Variants in VPS13D observed in about 807,000 individuals in gnomAD.
The protein encoded by VPS13D is intermembrane lipid transfer protein VPS13D.
In VPS13D, 187 loss-of-function variants were observed where a neutral mutation model predicts 461.9. The ratio of observed to expected loss-of-function variants is 0.40; its 90% CI spans 0.36 to 0.46. The LOEUF (loss-of-function observed/expected upper bound fraction) is 0.46, where lower values mean the gene tolerates loss of function less well. Ranked by LOEUF, VPS13D falls within the 20% of genes least tolerant of loss-of-function variation. The pLI, the probability that VPS13D is intolerant of heterozygous loss-of-function variation, is 0.60. For synonymous variants in VPS13D, 1,951 were observed against 1,986.3 expected (o/e 0.98, Z 0.47); for missense variants, 4,711 against 5,364.9 (o/e 0.88, Z 3.81).
In VPS13D at chr1:12,345,520, TTCAGGAAGTCAGATGGTTAAGCGACTG is replaced by T. The variant is rs773019797; in HGVS notation, c.9021+34_9021+60del. The T allele has an allele frequency of 1.2e-5, 20 of 1,603,156 alleles. No individual in the cohort carries two copies. Among genetic ancestry groups the T allele is most frequent in the Non-Finnish European group, 1.5e-5 (18 of 1,170,982 alleles). ...TCATCTTCCTCTACGGTGTGTGACA[TTCAGGAAGTCAGATGGTTAAGCGACTG>T]TCAGGAAGTCAGATGGTTAAGCCTG... On this transcript the variant is annotated intron_variant, in intron 43 of 69. Transcript: ENST00000620676.
At chr1:12,401,968 G>GTAT (rs879659066) in intron 62 of VPS13D, among the ~76,000 whole-genome samples, 2 of 152,218 alleles carry the variant, frequency 1.3e-5, no homozygotes, top group Non-Finnish European at 2.9e-5. Context: ...TTGGGAAGCA[G>GTAT]TATACTATTC....
intron 67 of VPS13D, among the ~76,000 whole-genome samples, chr1:12,480,985 T>C (rs1010160330): frequency 2.0e-5 from 3 of 152,314 alleles, no homozygotes; most frequent in East Asian, 3.9e-4. Context: ...CTTGCTTCTC[T>C]CCACCCCAAG....
chr1:12,242,876 T>C (rs1640423686), intron 3 of VPS13D, among the ~76,000 whole-genome samples: 1 of 152,196 alleles, frequency 6.6e-6, no homozygotes. Flanking sequence ...GATTCTTATG[T>C]TTACTCAAGT....
intron 66 of VPS13D, among the ~76,000 whole-genome samples, chr1:12,458,158 C>G (rs1557451210): frequency 6.6e-6 from 1 of 152,178 alleles, no homozygotes; most frequent in Non-Finnish European, 1.5e-5. Context: ...ATGGCTTCAT[C>G]CAAAGAGGAT....
At chr1:12,232,131 A>G (rs138797398) in intron 1 of VPS13D, among the ~76,000 whole-genome samples, 1 of 151,944 alleles carries the variant, frequency 6.6e-6, no homozygotes, top group African/African-American at 2.4e-5. Context: ...ACCCTTAAAA[A>G]ATATCTTTAT....
chr1:12,277,990 G>A lies in VPS13D; in HGVS notation c.4402G>A (p.Ala1468Thr). ...TGGCAGTGCCAACAGTCAGGAGGAA[G>A]CTCATTTCACACGACATGATTTCTT... Reference protein sequence around the residue: ...GSGSANSQEEAHFTRHDFFES... With the variant: ...GSGSANSQEETHFTRHDFFES... The change falls in exon 19 of 70, where the codon GCT (alanine) becomes ACT (threonine). Residue 1468 changes from alanine (A) to threonine (T), a missense_variant. Ala to Thr is a moderately conservative substitution (Grantham distance 58, BLOSUM62 0). Around this residue, in one of 3 missense-constraint regions of VPS13D, gnomAD observed 4,411 missense variants for 4,937.8 expected, o/e 0.89. Coordinates refer to ENST00000620676, the MANE Select transcript of VPS13D (RefSeq NM_015378.4). 1.2e-6 allele frequency: 2 copies of A among 1,614,176 alleles called. No homozygotes were observed. The highest frequency in any genetic ancestry group is 1.7e-6 in the Non-Finnish European group (2 of 1,180,028).
chr1:12,298,736 CATT>C (rs926269014), intron 24 of VPS13D, among the ~76,000 whole-genome samples: 3 of 151,292 alleles, frequency 2.0e-5, no homozygotes, highest in Admixed American at 2.0e-4. Context: ...TTTCCTATAT[CATT>C]GACTTATGCT....
chr1:12,333,364 T>C lies in VPS13D; in HGVS notation c.8426T>C (p.Ile2809Thr), dbSNP rs1184543552. ...RLDINITSVL[I>T]DQYVSTKESW... is the part of the protein sequence containing the mutation. ...GATATCAATATCACTTCTGTGCTAA[T>C]TGGTGAGTAGAAAGTTGTCTTTCAT... The change falls in exon 38 of 70, where the codon ATT becomes ACT. Residue 2809 changes from isoleucine to threonine, a missense_variant and splice_region_variant. Physicochemically the swap from Ile to Thr is moderately conservative, Grantham distance 89. This residue lies in a region of VPS13D where 4,411 missense variants were observed against 4,937.8 expected (regional missense o/e 0.89). Coordinates refer to ENST00000620676, the MANE Select transcript of VPS13D (RefSeq NM_015378.4). 1.9e-6 allele frequency: 3 copies of C among 1,614,006 alleles called. No homozygotes were observed. The highest frequency in any genetic ancestry group is 4.5e-5 in the East Asian group (2 of 44,880).
chr1:12,400,163 A>G lies in VPS13D; in HGVS notation c.11635-18A>G. ...GGTCTGTTTTTGTTTTTGCTTTGCTACCTTTCCATGGCCGTAGGTGGACAA... is the reference window on the plus strand; with the variant it reads ...GGTCTGTTTTTGTTTTTGCTTTGCTGCCTTTCCATGGCCGTAGGTGGACAA... On this transcript the variant is annotated intron_variant, in intron 60 of 69. Transcript: ENST00000620676. The G allele has an allele frequency of 1.2e-6, 2 of 1,609,100 alleles. No homozygotes were observed. Among genetic ancestry groups the G allele is most frequent in the Non-Finnish European group, 1.7e-6 (2 of 1,177,206 alleles).
rs756615407 is a variant in VPS13D, at chr1:12,356,454, G to C, written c.9928G>C (p.Glu3310Gln). Residue 3310 changes from glutamate to glutamine, a missense_variant, in exon 49 of 70, where the codon GAG (glutamate) becomes CAG (glutamine). Physicochemically the swap from Glu to Gln is conservative, Grantham distance 29 (BLOSUM62 2). This residue lies in a region of VPS13D where 4,411 missense variants were observed against 4,937.8 expected (regional missense o/e 0.89). Transcript: ENST00000620676. ...NAKTDAAGQF[E>Q]EHELARSLSP... is the part of the protein sequence containing the mutation. ...CAAGACAGATGCTGCAGGCCAGTTT[G>C]AGGAGCATGAGCTGGCCCGTAGCCT... 1.6e-5 allele frequency: 26 copies of C among 1,613,998 alleles called. No homozygotes were observed. The South Asian group carries it at 2.7e-4, about 17-fold the overall frequency.
chr1:12,502,752 C>T lies in VPS13D; in HGVS notation c.12795-4101C>T, dbSNP rs557175083. 4.6e-5 allele frequency among the ~76,000 whole-genome samples: 7 copies of T among 151,930 alleles called. No individual in the cohort carries two copies. The highest frequency in any genetic ancestry group is 7.4e-5 in the Non-Finnish European group (5 of 68,004). On this transcript the variant is annotated intron_variant, in intron 68 of 69. Coordinates refer to ENST00000620676, the MANE Select transcript of VPS13D (RefSeq NM_015378.4). The surrounding 1 kb of genome is among the most constrained non-coding windows in gnomAD (Gnocchi z 4.3). ...ATGAGTCTGTTTTCCATGTGGCCTT[C>T]TAGAGAGACATCTCTCTCCAATCTG...
chr1:12,332,588 A>G (rs1377909177), intron 37 of VPS13D, among the ~76,000 whole-genome samples: 1 of 152,212 alleles, frequency 6.6e-6, no homozygotes, highest in Non-Finnish European at 1.5e-5. Context: ...ATGATTAACT[A>G]AAAATTCAAG....
intron 63 of VPS13D, among the ~76,000 whole-genome samples, chr1:12,406,393 G>C (rs1644655352): frequency 6.6e-6 from 1 of 152,142 alleles, no homozygotes; most frequent in African/African-American, 2.4e-5. Flanking sequence ...TCCTGTCCCT[G>C]AACAGGAGTC....
chr1:12,344,110 T>C (rs993621570), intron 42 of VPS13D, among the ~76,000 whole-genome samples: 1 of 152,208 alleles, frequency 6.6e-6, no homozygotes, highest in Non-Finnish European at 1.5e-5. Context: ...CAATAAAGTG[T>C]TGTATTATTT....
At position 12,348,819 on chromosome 1, in the gene VPS13D, A is replaced by T. The variant is rs772012528; in HGVS notation, c.9070-4A>T. The T allele has an allele frequency of 1.2e-6, 2 of 1,613,606 alleles. No individual in the cohort carries two copies. Among genetic ancestry groups the T allele is most frequent in the African/African-American group, 2.7e-5 (2 of 74,844 alleles). ...ACTATTTTGTCTTTATCGCTCTTTC[A>T]CAGTTCTCTTCACTCCCACCAGTGC... On this transcript the variant is annotated splice_region_variant and splice_polypyrimidine_tract_variant and intron_variant, in intron 44 of 69. Transcript: ENST00000620676.
chr1:12,367,094 T>C (rs1278833679), intron 52 of VPS13D, among the ~76,000 whole-genome samples: 1 of 152,252 alleles, frequency 6.6e-6, no homozygotes, highest in Non-Finnish European at 1.5e-5. Flanking sequence ...TCATTTATTT[T>C]AGTTGCCACG....
chr1:12,231,474 A>T (rs148813253), intron 1 of VPS13D, among the ~76,000 whole-genome samples: 12 of 152,336 alleles, frequency 7.9e-5, no homozygotes, highest in Non-Finnish European at 1.8e-4. Context: ...TAGGGCAAGT[A>T]GGGTAGGGCC....
chr1:12,401,710 G>A lies in VPS13D; in HGVS notation c.11881+6G>A. 2 of 1,610,550 alleles carry A rather than the reference G, an allele frequency of 1.2e-6. No individual in the cohort carries two copies. Among genetic ancestry groups the A allele is most frequent in the Middle Eastern group, 1.7e-4 (1 of 6,056 alleles). On this transcript the variant is annotated splice_donor_region_variant and intron_variant, in intron 62 of 69. Coordinates refer to ENST00000620676, the MANE Select transcript of VPS13D (RefSeq NM_015378.4). The stretch of plus-strand genomic sequence containing the variant: ...CTACGATCAAGCAGAATCAGGTAAT[G>A]TTGAATGTTCTATGTCTGTGTTTGG...
At chr1:12,233,106 AG>A (rs1382557295) in intron 1 of VPS13D, among the ~76,000 whole-genome samples, 1 of 151,928 alleles carries the variant, frequency 6.6e-6, no homozygotes, top group African/African-American at 2.4e-5. Context: ...CCCGGGTTCA[AG>A]GGATTCTCCT....
Sources: allele counts gnomAD v4.1 joint callset (sites outside exome capture counted in the v4.1 genomes callset), GRCh38; gene constraint gnomAD v4.1.1; regional missense constraint gnomAD v4.1.1; non-coding constraint Gnocchi (gnomAD v3.1); transcripts MANE v1.5; gene names NCBI Gene and HGNC (gene_info 2026-07-23, HGNC 2026-07-21).